The following MEIS2 variants were observed in gnomAD, a reference collection of about 807,000 sequenced individuals.
The protein encoded by MEIS2 is homeobox protein Meis2.
MEIS2 carries 9 observed loss-of-function variants against 58.6 expected under a neutral mutation model. The observed-to-expected ratio is 0.15, with a 90% confidence interval of 0.09 to 0.27. The LOEUF is 0.27. Ranked by LOEUF, MEIS2 falls within the 10% of genes least tolerant of loss-of-function variation. The pLI is 1.00. For missense variants in MEIS2, 427 were observed against 635.0 expected (o/e 0.67, Z 3.52); for synonymous variants, 221 against 228.4 (o/e 0.97, Z 0.29).
chr15:37,021,186 AT>A (rs2061515305), intron 8 of MEIS2, among the ~76,000 whole-genome samples: 1 of 152,002 alleles, frequency 6.6e-6, no homozygotes, highest in African/African-American at 2.4e-5. Context: ...AAAATTATTC[AT>A]TTTTCCTCCT....
At chr15:37,056,418 T>C (rs1888405486) in intron 7 of MEIS2, among the ~76,000 whole-genome samples, 1 of 152,172 alleles carries the variant, frequency 6.6e-6, no homozygotes, top group African/African-American at 2.4e-5. Context: ...AGGTGAATAG[T>C]GCAAAGAGGG....
At chr15:37,077,269 C>T (rs1015594646) in intron 7 of MEIS2, among the ~76,000 whole-genome samples, 3 of 152,020 alleles carry the variant, frequency 2.0e-5, no homozygotes, top group Non-Finnish European at 2.9e-5. Flanking sequence ...AGGGAGGACT[C>T]TTCTGAATGG....
chr15:36,943,617 T>C (rs2058453139), intron 9 of MEIS2, among the ~76,000 whole-genome samples: 1 of 152,152 alleles, frequency 6.6e-6, no homozygotes, highest in African/African-American at 2.4e-5. Context: ...TTTGTTGTTT[T>C]GTGTTTTCTC....
At chr15:37,049,983 T>C (rs1596013402) in intron 7 of MEIS2, among the ~76,000 whole-genome samples, 1 of 152,322 alleles carries the variant, frequency 6.6e-6, no homozygotes, top group African/African-American at 2.4e-5. Context: ...TTGAAAAATT[T>C]GCAATAGATA....
chr15:36,970,050 C>G (rs1037232086), intron 8 of MEIS2, among the ~76,000 whole-genome samples: 1 of 152,074 alleles, frequency 6.6e-6, no homozygotes, highest in Admixed American at 6.5e-5. Context: ...TAGACAGTCA[C>G]GTTTACAAAG....
chr15:37,063,933 T>C (rs1889583113), intron 7 of MEIS2, among the ~76,000 whole-genome samples: 1 of 152,210 alleles, frequency 6.6e-6, no homozygotes, highest in African/African-American at 2.4e-5. Context: ...TTGAAATTCT[T>C]GCTTAAGTCA....
At chr15:36,893,911 G>A (rs2056024644) in intron 11 of MEIS2, among the ~76,000 whole-genome samples, 1 of 152,172 alleles carries the variant, frequency 6.6e-6, no homozygotes, top group Non-Finnish European at 1.5e-5. Context: ...AAGTTTCAAT[G>A]TTATATGAAT....
chr15:37,051,140 C>T lies in MEIS2; in HGVS notation c.755-14181G>A, dbSNP rs2062901735. Reference sequence around the variant, plus strand: ...TTATACTTATTAACAAACTTAAGGACTTCATACACAACATCTAGCCTCATG... The same window carrying T: ...TTATACTTATTAACAAACTTAAGGATTTCATACACAACATCTAGCCTCATG... On this transcript the variant is annotated intron_variant, in intron 7 of 11. Transcript: ENST00000561208. 2.6e-5 allele frequency among the ~76,000 whole-genome samples: 4 copies of T among 152,202 alleles called. 1 individual carries two copies. In the South Asian group the frequency reaches 8.3e-4, roughly 32 times the overall value.
intron 9 of MEIS2, among the ~76,000 whole-genome samples, chr15:36,912,001 CT>C (rs2057050453): frequency 6.6e-6 from 1 of 152,168 alleles, no homozygotes; most frequent in Non-Finnish European, 1.5e-5. Flanking sequence ...CTTATTTAAC[CT>C]TTTATTCACT....
intron 7 of MEIS2, among the ~76,000 whole-genome samples, chr15:37,071,952 G>T (rs555963352): frequency 6.6e-6 from 1 of 152,104 alleles, no homozygotes; most frequent in South Asian, 2.1e-4. Flanking sequence ...CAAACACATG[G>T]CAGGGAAAAA....
intron 8 of MEIS2, among the ~76,000 whole-genome samples, chr15:37,004,398 A>G (rs977832836): frequency 1.3e-5 from 2 of 152,256 alleles, no homozygotes; most frequent in Admixed American, 6.5e-5. Context: ...AGCACAAAAC[A>G]GCCTGAGCAG....
chr15:36,904,500 T>C (rs1474920372), intron 9 of MEIS2, among the ~76,000 whole-genome samples: 2 of 152,322 alleles, frequency 1.3e-5, no homozygotes, highest in Admixed American at 6.5e-5. Context: ...AATGCTCCAT[T>C]TTTTCTGACA....
intron 7 of MEIS2, among the ~76,000 whole-genome samples, chr15:37,050,515 C>T (rs190150390): frequency 1.3e-5 from 2 of 152,152 alleles, no homozygotes; most frequent in African/African-American, 2.4e-5. Context: ...AGATACACTC[C>T]ATGGAAGAAG....
intron 9 of MEIS2, among the ~76,000 whole-genome samples, chr15:36,905,442 C>T (rs2056684593): frequency 6.6e-6 from 1 of 152,078 alleles, no homozygotes; most frequent in African/African-American, 2.4e-5. Context: ...CACCCTTTGG[C>T]CAGTCAAAAG....
At chr15:37,055,918 A>G (rs770150458) in intron 7 of MEIS2, among the ~76,000 whole-genome samples, 1 of 152,244 alleles carries the variant, frequency 6.6e-6, no homozygotes, top group African/African-American at 2.4e-5. Flanking sequence ...CAAGCAGCAC[A>G]TTGGGACTTC....
chr15:37,010,674 C>G (rs535098856), intron 8 of MEIS2, among the ~76,000 whole-genome samples: 2 of 152,184 alleles, frequency 1.3e-5, no homozygotes, highest in African/African-American at 4.8e-5. Flanking sequence ...CCACGGCACC[C>G]GGCCAAAAGC....
At chr15:36,907,400 G>A (rs1262724629) in intron 9 of MEIS2, among the ~76,000 whole-genome samples, 6 of 152,144 alleles carry the variant, frequency 3.9e-5, no homozygotes, top group Non-Finnish European at 8.8e-5. Context: ...CCAACACACC[G>A]GCAATCTAAA....
chr15:37,029,922 G>T (rs1008221156), intron 8 of MEIS2, among the ~76,000 whole-genome samples: 1 of 152,160 alleles, frequency 6.6e-6, no homozygotes, highest in Admixed American at 6.5e-5. Flanking sequence ...CCAGCACTCT[G>T]GGAGGCTGAG....
At position 37,021,446 on chromosome 15, in the gene MEIS2, G is replaced by A. The variant is rs2061524418; in HGVS notation, c.900+15368C>T. 3.3e-5 allele frequency among the ~76,000 whole-genome samples: 5 copies of A among 152,294 alleles called. No individual in the cohort carries two copies. The South Asian group carries it at 1.0e-3, about 32-fold the overall frequency. ...CATCCCATGGCTTGCCCCTACTTTTGAAAACTCCAATATGTATGACAAAGG... is the reference window on the plus strand; with the variant it reads ...CATCCCATGGCTTGCCCCTACTTTTAAAAACTCCAATATGTATGACAAAGG... On this transcript the variant is annotated intron_variant, in intron 8 of 11. Transcript: ENST00000561208.
Sources: gnomAD v4.1 joint callset for allele counts (sites outside exome capture counted in the v4.1 genomes callset) on GRCh38, gnomAD v4.1.1 for gene constraint, MANE v1.5 for transcripts, NCBI Gene and HGNC (gene_info 2026-07-23, HGNC 2026-07-21) for gene names.